FMN1: variants seen among roughly 807,000 people sequenced by gnomAD.
The protein encoded by FMN1 is formin-1.
Under a neutral mutation model 132.4 loss-of-function variants are expected in FMN1, and 110 were observed. The ratio of observed to expected loss-of-function variants is 0.83; its 90% CI spans 0.71 to 0.97. The LOEUF (loss-of-function observed/expected upper bound fraction) is 0.97, where lower values mean the gene tolerates loss of function less well. Ranked by LOEUF, FMN1 falls within the 50% of genes least tolerant of loss-of-function variation. FMN1 has a pLI of 0.00. For missense variants in FMN1, 1,792 were observed against 1,705.3 expected (o/e 1.05, Z -0.90); for synonymous variants, 722 against 651.7 (o/e 1.11, Z -1.64).
At chr15:33,078,762 T>C (rs750676682) in intron 5 of FMN1, among the ~76,000 whole-genome samples, 12 of 152,136 alleles carry the variant, frequency 7.9e-5, no homozygotes, top group Non-Finnish European at 1.8e-4. Context: ...CTCATATGGG[T>C]TGTAATTTTA....
chr15:33,084,494 A>G (rs2038612488), intron 5 of FMN1, among the ~76,000 whole-genome samples: 1 of 152,050 alleles, frequency 6.6e-6, no homozygotes, highest in African/African-American at 2.4e-5. Flanking sequence ...ATGTGGCTAC[A>G]GTTCCAAGTA....
Position 32,823,139 on chromosome 15 carries a change from G to A in FMN1, c.3929-18807C>T, listed in dbSNP as rs576719844. Among the ~76,000 whole-genome samples the A allele has an allele frequency of 1.3e-4, 18 of 143,064 alleles. No individual in the cohort carries two copies. In the South Asian group the frequency reaches 2.7e-3, roughly 22 times the overall value. 93.9% of individuals were successfully genotyped at this position (143,064 alleles called of 152,430 possible). A position where few individuals can be genotyped will look rare whatever the true frequency, so the allele number is the denominator to read the frequency against. On this transcript the variant is annotated intron_variant, in intron 17 of 20. Coordinates refer to ENST00000616417, the MANE Select transcript of FMN1 (RefSeq NM_001277313.2). ...CCATTCATGGTCTGTCTCAAAGACA[G>A]AGAGTTTCTACTGTTTTTTTTTTTT...
At chr15:33,168,022 C>T (rs940679888) in intron 3 of FMN1, among the ~76,000 whole-genome samples, 3 of 152,066 alleles carry the variant, frequency 2.0e-5, no homozygotes, top group African/African-American at 7.2e-5. Flanking sequence ...AGATCAAACC[C>T]GTGTTATTCA....
intron 4 of FMN1, among the ~76,000 whole-genome samples, chr15:33,115,348 T>C (rs1157825861): frequency 1.3e-5 from 2 of 152,094 alleles, no homozygotes; most frequent in African/African-American, 4.8e-5. Context: ...AGAAGAAACA[T>C]GTACACATAA....
chr15:32,894,915 G>T (rs1228788984), intron 15 of FMN1, among the ~76,000 whole-genome samples: 1 of 151,914 alleles, frequency 6.6e-6, no homozygotes, highest in Non-Finnish European at 1.5e-5. Flanking sequence ...AACACTGCTT[G>T]TAAATTAAAA....
chr15:32,798,403 C>T (rs960583019), intron 19 of FMN1, among the ~76,000 whole-genome samples: 2 of 152,142 alleles, frequency 1.3e-5, no homozygotes, highest in East Asian at 1.9e-4. Flanking sequence ...AGAGATTTTC[C>T]TTTGATGCAA....
intron 5 of FMN1, among the ~76,000 whole-genome samples, chr15:33,065,484 A>G (rs927153049): frequency 6.6e-6 from 1 of 152,208 alleles, no homozygotes; most frequent in Non-Finnish European, 1.5e-5. Context: ...AATTTCAAGA[A>G]CATCAGTGGT....
chr15:33,119,116 C>G (rs1205451849), intron 4 of FMN1, among the ~76,000 whole-genome samples: 2 of 152,162 alleles, frequency 1.3e-5, no homozygotes, highest in Non-Finnish European at 2.9e-5. Context: ...CCCATAAAAA[C>G]TAGAAAGCTA....
intron 17 of FMN1, among the ~76,000 whole-genome samples, chr15:32,823,536 C>T (rs2058288927): frequency 1.3e-5 from 2 of 152,218 alleles, no homozygotes; most frequent in South Asian, 4.2e-4. Context: ...AGAAAATTCT[C>T]ACAAATGCCG....
rs1275191722 is a variant in FMN1, at chr15:32,805,596, C to T, written c.3929-1264G>A. ...TGATAACAGACATAGCTAATAGTGG[C>T]CAAATAATTTATTGTTTCCTCTGGG... On this transcript the variant is annotated intron_variant, in intron 17 of 20. Coordinates refer to ENST00000616417, the MANE Select transcript of FMN1 (RefSeq NM_001277313.2). 2.0e-5 allele frequency among the ~76,000 whole-genome samples: 3 copies of T among 152,072 alleles called. No homozygotes were observed. The East Asian group carries it at 5.8e-4, about 29-fold the overall frequency.
chr15:32,857,012 T>A lies in FMN1; in HGVS notation c.3928+3A>T. On this transcript the variant is annotated splice_donor_region_variant and intron_variant, in intron 17 of 20. Transcript: ENST00000616417. ...TGTATGTGCGGCTGACAAAGCTTCC[T>A]ACCTTTTTGGAAGAACTCCTCTAGT... 9 of 1,607,288 alleles carry A rather than the reference T, an allele frequency of 5.6e-6. No individual in the cohort carries two copies. Among genetic ancestry groups the A allele is most frequent in the African/African-American group, 2.7e-5 (2 of 74,894 alleles).
chr15:33,139,309 G>C (rs139790001), intron 4 of FMN1, among the ~76,000 whole-genome samples: 2 of 152,148 alleles, frequency 1.3e-5, no homozygotes. Flanking sequence ...CTAAATAGCT[G>C]TTGTTGGCCG....
intron 4 of FMN1, among the ~76,000 whole-genome samples, chr15:33,093,254 G>A (rs1286901445): frequency 7.0e-6 from 1 of 143,308 alleles, no homozygotes; most frequent in Non-Finnish European, 1.5e-5. Context: ...CTGTGTTGTA[G>A]TGCCCAAGGC....
At chr15:33,093,739 G>A (rs940760105) in intron 4 of FMN1, among the ~76,000 whole-genome samples, 1 of 152,222 alleles carries the variant, frequency 6.6e-6, no homozygotes, top group Non-Finnish European at 1.5e-5. Flanking sequence ...TGGCCAGGCA[G>A]AGAAAGGCTG....
At chr15:32,977,484 G>C (rs2032304295) in intron 7 of FMN1, among the ~76,000 whole-genome samples, 1 of 152,120 alleles carries the variant, frequency 6.6e-6, no homozygotes, top group Non-Finnish European at 1.5e-5. Context: ...AAAAAGCATT[G>C]GGTTCAAAGA....
intron 6 of FMN1, among the ~76,000 whole-genome samples, chr15:33,042,833 CAG>C (rs1277829571): frequency 6.6e-6 from 1 of 151,564 alleles, no homozygotes; most frequent in Non-Finnish European, 1.5e-5. Context: ...TTAATTTGCC[CAG>C]AGTCACACAG....
chr15:32,927,865 C>G (rs1057116185), intron 9 of FMN1, among the ~76,000 whole-genome samples: 3 of 152,216 alleles, frequency 2.0e-5, no homozygotes, highest in African/African-American at 7.2e-5. Context: ...CTAGGCTGAA[C>G]AGCTGTGCTT....
intron 7 of FMN1, among the ~76,000 whole-genome samples, chr15:33,006,832 A>G (rs1348874761): frequency 1.3e-5 from 2 of 152,152 alleles, no homozygotes; most frequent in African/African-American, 4.8e-5. Flanking sequence ...GAAATCTAAA[A>G]AAGTCGAACT....
intron 4 of FMN1, among the ~76,000 whole-genome samples, chr15:33,118,998 AT>A (rs1287943611): frequency 2.0e-5 from 3 of 152,210 alleles, no homozygotes; most frequent in Non-Finnish European, 2.9e-5. Context: ...AGATGGTATA[AT>A]TTAAAAAATT....
Sources: allele counts gnomAD v4.1 joint callset (sites outside exome capture counted in the v4.1 genomes callset), GRCh38; gene constraint gnomAD v4.1.1; transcripts MANE v1.5; gene names NCBI Gene and HGNC (gene_info 2026-07-23, HGNC 2026-07-21).